SLC4A7: variants seen among roughly 807,000 people sequenced by gnomAD.
SLC4A7 encodes the protein sodium bicarbonate cotransporter 3.
In SLC4A7, 51 loss-of-function variants were observed where a neutral mutation model predicts 137.6. The ratio of observed to expected loss-of-function variants is 0.37; its 90% CI spans 0.30 to 0.47. SLC4A7 has a LOEUF of 0.47. SLC4A7 is among the 20% of genes least tolerant of loss of function. The pLI, the probability that SLC4A7 is intolerant of heterozygous loss-of-function variation, is 1.00. For synonymous variants in SLC4A7, 542 were observed against 518.6 expected (o/e 1.05, Z -0.61); for missense variants, 1,247 against 1,525.4 (o/e 0.82, Z 3.04).
rs67034824 is a variant in SLC4A7, at chr3:27,373,150, AAAAAC to A, written c.*3609_*3613del. ...AATCAGTGTGCAAAAATCTGATTAA[AAAAAC>A]AAAACAAAACTGGGGTTTAACAATT... On this transcript the variant is annotated 3_prime_UTR_variant, in exon 26 of 26. Coordinates refer to ENST00000454389, the MANE Select transcript of SLC4A7 (RefSeq NM_001321103.2). The A allele has an allele frequency of 0.041, 6,169 of 152,160 alleles. 133 individuals carry two copies. Among genetic ancestry groups the A allele is most frequent in the East Asian group, 0.062 (323 of 5,176 alleles). The allele number at this position is 152,160 out of a possible 1,614,324, so 9.4% of individuals were successfully genotyped here.
chr3:27,412,048 A>G (rs528917441), intron 11 of SLC4A7, among the ~76,000 whole-genome samples: 77 of 152,348 alleles, frequency 5.1e-4, no homozygotes, highest in African/African-American at 1.8e-3. Context: ...ATTCACCAAT[A>G]GCTACAAACG....
At chr3:27,466,447 C>T (rs1230904234) in intron 1 of SLC4A7, among the ~76,000 whole-genome samples, 1 of 118,828 alleles carries the variant, frequency 8.4e-6, no homozygotes, top group African/African-American at 3.1e-5. Flanking sequence ...GAGACTCCGT[C>T]TCAAAAAAAA....
intron 7 of SLC4A7, among the ~76,000 whole-genome samples, chr3:27,429,335 T>C (rs555769163): frequency 6.8e-6 from 1 of 147,662 alleles, no homozygotes; most frequent in Non-Finnish European, 1.5e-5. Context: ...ATTTTGCACA[T>C]ACAATTTTTT....
At chr3:27,445,163 T>C (rs932694624) in intron 3 of SLC4A7, among the ~76,000 whole-genome samples, 2 of 152,232 alleles carry the variant, frequency 1.3e-5, no homozygotes, top group Non-Finnish European at 2.9e-5. Flanking sequence ...ACTACTGTTT[T>C]CTGGTAGTTT....
chr3:27,389,636 AT>A (rs1005546606), intron 22 of SLC4A7, among the ~76,000 whole-genome samples: 6 of 152,164 alleles, frequency 3.9e-5, no homozygotes, highest in Non-Finnish European at 8.8e-5. Flanking sequence ...TTGCTTTTAC[AT>A]TTGAAAATGT....
chr3:27,458,772 C>A (rs1344307395), intron 1 of SLC4A7, among the ~76,000 whole-genome samples: 10 of 152,234 alleles, frequency 6.6e-5, no homozygotes, highest in African/African-American at 2.4e-4. Flanking sequence ...GGGCAGATTA[C>A]CTGAGGTCAG....
Position 27,390,008 on chromosome 3 carries a change from T to C in SLC4A7, c.3283A>G (p.Thr1095Ala). Reference sequence around the variant, plus strand: ...ACCAAACAAGTAAGCTGAATGACTGTGAAAATATGGACCTTCCAGAGCGGC... The same window carrying C: ...ACCAAACAAGTAAGCTGAATGACTGCGAAAATATGGACCTTCCAGAGCGGC... ...YVPLWKVHIFTVIQLTCLVLL... is the reference protein window; with the variant it reads ...YVPLWKVHIFAVIQLTCLVLL... Residue 1095 changes from threonine (T) to alanine (A), a missense_variant, in exon 22 of 26, where the codon ACA (threonine) becomes GCA (alanine). Physicochemically the swap from Thr to Ala is moderately conservative, Grantham distance 58. Around this residue, in one of 6 missense-constraint regions of SLC4A7, gnomAD observed 290 missense variants for 323.8 expected, o/e 0.90. Transcript: ENST00000454389. 1.2e-6 allele frequency: 2 copies of C among 1,613,712 alleles called. No individual in the cohort carries two copies. Among genetic ancestry groups the C allele is most frequent in the Non-Finnish European group, 1.7e-6 (2 of 1,179,672 alleles).
At chr3:27,449,463 A>C (rs2057916066) in intron 2 of SLC4A7, among the ~76,000 whole-genome samples, 1 of 151,490 alleles carries the variant, frequency 6.6e-6, no homozygotes, top group Non-Finnish European at 1.5e-5. Context: ...ATCAATAAAG[A>C]CCAAAATAAA....
rs576929878 is a variant in SLC4A7, at chr3:27,427,624, G to T, written c.1151-3472C>A. Among the ~76,000 whole-genome samples the T allele has an allele frequency of 4.0e-4, 61 of 152,108 alleles. 1 individual carries two copies. Among genetic ancestry groups the T allele is most frequent in the South Asian group, 2.3e-3 (11 of 4,818 alleles). ...TCGCTTGAGACATAATGATGCTGAG[G>T]CCACTTTCTTCCACTAAGACAGTAC... On this transcript the variant is annotated intron_variant, in intron 7 of 25. Coordinates refer to ENST00000454389, the MANE Select transcript of SLC4A7 (RefSeq NM_001321103.2).
intron 17 of SLC4A7, 160 bp from the exon 18 acceptor site, chr3:27,397,957 C>A: frequency 1.6e-6 from 1 of 618,112 alleles, no homozygotes; most frequent in Non-Finnish European, 2.8e-6. Flanking sequence ...TTAATTCTTT[C>A]CAAAAATATA....
At chr3:27,436,634 T>TAA in intron 4 of SLC4A7, 86 bp from the exon 5 acceptor site, 1 of 841,340 alleles carries the variant, frequency 1.2e-6, no homozygotes, top group Admixed American at 3.4e-5. Flanking sequence ...ATTTGTTCTT[T>TAA]AAAGAAAAAA....
chr3:27,389,987 A>C lies in SLC4A7; in HGVS notation c.3304T>G (p.Leu1102Val). 6.2e-7 allele frequency: 1 copy of C among 1,614,056 alleles called. No homozygotes were observed. Among genetic ancestry groups the C allele is most frequent in the Non-Finnish European group, 8.5e-7 (1 of 1,179,924 alleles). ...HIFTVIQLTC[L>V]VLLWVIKVSA... Reference sequence around the variant, plus strand: ...ACTTTTATCACCCATAAAAGGACCAAACAAGTAAGCTGAATGACTGTGAAA... The same window carrying C: ...ACTTTTATCACCCATAAAAGGACCACACAAGTAAGCTGAATGACTGTGAAA... Residue 1102 changes from leucine (L) to valine (V), a missense_variant, in exon 22 of 26, where the codon TTG becomes GTG. Transcript: ENST00000454389.
At chr3:27,401,328 G>C (rs979779204) in intron 15 of SLC4A7, among the ~76,000 whole-genome samples, 15 of 152,078 alleles carry the variant, frequency 9.9e-5, no homozygotes, top group Non-Finnish European at 1.9e-4. Context: ...TGATCTTAAG[G>C]CTCATTCTTA....
chr3:27,431,537 G>A lies in SLC4A7; in HGVS notation c.911C>T (p.Ala304Val). The change falls in exon 7 of 26, where the codon GCA (alanine) becomes GTA (valine). Residue 304 changes from alanine to valine, a missense_variant. This residue lies in a region of SLC4A7 where 223 missense variants were observed against 203.6 expected (regional missense o/e 1.10). Transcript: ENST00000454389. The stretch of plus-strand genomic sequence containing the variant: ...TACTGGGGTTGTACACCTTGAGCCT[G>A]CAGGGGTTCCAGCTCTTGAAGAAGG... ...LLPSSRAGTPAGSRCTTPVPT... is the reference protein window; with the variant it reads ...LLPSSRAGTPVGSRCTTPVPT... 6.2e-7 allele frequency: 1 copy of A among 1,614,124 alleles called. No individual in the cohort carries two copies. The highest frequency in any genetic ancestry group is 1.1e-5 in the South Asian group (1 of 91,064).
intron 1 of SLC4A7, among the ~76,000 whole-genome samples, chr3:27,462,038 A>C (rs2058729518): frequency 6.6e-6 from 1 of 152,156 alleles, no homozygotes; most frequent in South Asian, 2.1e-4. Flanking sequence ...CTCTCACTAG[A>C]TATTCAACAA....
intron 1 of SLC4A7, among the ~76,000 whole-genome samples, chr3:27,475,342 C>G (rs1288799932): frequency 6.7e-6 from 1 of 150,286 alleles, no homozygotes; most frequent in Non-Finnish European, 1.5e-5. Flanking sequence ...TAAGACGAGC[C>G]CTACGAGATA....
chr3:27,459,988 TATACACACAC>T (rs2058606996), intron 1 of SLC4A7, among the ~76,000 whole-genome samples: 1 of 102,808 alleles, frequency 9.7e-6, no homozygotes. Flanking sequence ...TATATATATA[TATACACACAC>T]ACACACACAC....
intron 3 of SLC4A7, 39 bp downstream of exon 3, chr3:27,448,612 G>C (rs187000735): frequency 1.3e-6 from 2 of 1,540,754 alleles, no homozygotes; most frequent in Admixed American, 2.1e-5. Context: ...CAGGAAAATA[G>C]GAACTTTAAA....
intron 11 of SLC4A7, among the ~76,000 whole-genome samples, chr3:27,414,732 G>A (rs575986786): frequency 1.3e-5 from 2 of 152,056 alleles, no homozygotes; most frequent in South Asian, 2.1e-4. Context: ...CACCAGTACC[G>A]GTTAAGCACT....
Sources: gnomAD v4.1 joint callset for allele counts (sites outside exome capture counted in the v4.1 genomes callset) on GRCh38, gnomAD v4.1.1 for gene constraint, gnomAD v4.1.1 regional missense constraint, MANE v1.5 for transcripts, NCBI Gene and HGNC (gene_info 2026-07-23, HGNC 2026-07-21) for gene names.